RNF180: variants seen among roughly 807,000 people sequenced by gnomAD.
The protein encoded by RNF180 is ring finger protein 180.
RNF180 carries 38 observed loss-of-function variants against 59.2 expected under a neutral mutation model. The observed-to-expected ratio is 0.64, with a 90% confidence interval of 0.50 to 0.84. The LOEUF is 0.84. Ranked by LOEUF, RNF180 falls within the 40% of genes least tolerant of loss-of-function variation. The pLI, the probability that RNF180 is intolerant of heterozygous loss-of-function variation, is 0.00. For synonymous variants in RNF180, 262 were observed against 240.3 expected, an observed-to-expected ratio of 1.09 and a Z score of -0.84; for missense variants, 705 against 700.9, an observed-to-expected ratio of 1.01 and a Z score of -0.07.
chr5:64,276,245 T>A (rs1398953135), intron 5 of RNF180, among the ~76,000 whole-genome samples: 1 of 151,986 alleles, frequency 6.6e-6, no homozygotes, highest in African/African-American at 2.4e-5. Flanking sequence ...ATCCATTCCT[T>A]GAGCATTTTC....
chr5:64,226,316 A>G (rs1282690130), intron 5 of RNF180, among the ~76,000 whole-genome samples: 3 of 152,238 alleles, frequency 2.0e-5, no homozygotes, highest in African/African-American at 7.2e-5. Flanking sequence ...GTTCTGTACT[A>G]AGAAAAATTC....
At chr5:64,243,159 G>A (rs1742899292) in intron 5 of RNF180, among the ~76,000 whole-genome samples, 1 of 152,190 alleles carries the variant, frequency 6.6e-6, no homozygotes, top group Non-Finnish European at 1.5e-5. Context: ...AAAACTGGGT[G>A]GCCATTTGAG....
At chr5:64,196,084 A>C (rs77090199) in intron 1 of RNF180, among the ~76,000 whole-genome samples, 2,899 of 152,274 alleles carry the variant, frequency 0.019, 91 homozygotes, top group African/African-American at 0.066. Context: ...TTTATAACTG[A>C]TATTGAATAA....
rs1384743318 is a variant in RNF180 at position 64,216,180 on chromosome 5, C to T, written c.1192-1181C>T. ...ACAAATACCCAGTGTTTATTTAGCA[C>T]AGTAAATTTTAAAGTGTATGGCAGC... is the stretch of plus-strand genomic sequence containing the variant. On this transcript the variant is annotated intron_variant, in intron 4 of 7. Coordinates refer to ENST00000389100, the MANE Select transcript of RNF180 (RefSeq NM_001113561.2). Among the ~76,000 whole-genome samples, 5 of 152,048 alleles carry T rather than the reference C, an allele frequency of 3.3e-5. No individual in the cohort carries two copies. The East Asian group carries it at 9.6e-4, about 29-fold the overall frequency.
chr5:64,311,974 T>G (rs960106793), intron 5 of RNF180, among the ~76,000 whole-genome samples: 2 of 152,028 alleles, frequency 1.3e-5, no homozygotes, highest in African/African-American at 2.4e-5. Context: ...CTTTGGATAG[T>G]ATGATGGTAC....
intron 5 of RNF180, among the ~76,000 whole-genome samples, chr5:64,309,550 CT>C (rs1743649451): frequency 6.6e-6 from 1 of 151,388 alleles, no homozygotes; most frequent in South Asian, 2.1e-4. Flanking sequence ...GTAGAAAATA[CT>C]AATATCGGAC....
Position 64,314,577 on chromosome 5 carries a change from C to T in RNF180, c.1228-10609C>T, listed in dbSNP as rs758067845. ...ATCTTAAAATTTTTTGAGAGCCCAGCGAACTTTTGTCTACATGGATTATAA... is the reference window on the plus strand; with the variant it reads ...ATCTTAAAATTTTTTGAGAGCCCAGTGAACTTTTGTCTACATGGATTATAA... On this transcript the variant is annotated intron_variant, in intron 5 of 7. Coordinates refer to ENST00000389100, the MANE Select transcript of RNF180 (RefSeq NM_001113561.2). Among the ~76,000 whole-genome samples the T allele has an allele frequency of 1.3e-4, 20 of 151,726 alleles. 1 individual carries two copies. Among genetic ancestry groups the T allele is most frequent in the Non-Finnish European group, 2.6e-4 (18 of 67,936 alleles).
intron 5 of RNF180, among the ~76,000 whole-genome samples, chr5:64,288,884 C>T (rs1046241885): frequency 3.3e-5 from 5 of 152,160 alleles, no homozygotes; most frequent in African/African-American, 1.2e-4. Context: ...CCTTTTATTT[C>T]TTTCTCTTGC....
intron 7 of RNF180, among the ~76,000 whole-genome samples, chr5:64,360,191 T>A (rs1328276755): frequency 6.6e-6 from 1 of 151,934 alleles, no homozygotes; most frequent in East Asian, 1.9e-4. Context: ...GGTAGCTTGA[T>A]GGGGATGGCA....
chr5:64,203,709 A>G (rs1751867115), intron 2 of RNF180, among the ~76,000 whole-genome samples: 1 of 152,124 alleles, frequency 6.6e-6, no homozygotes, highest in African/African-American at 2.4e-5. Flanking sequence ...ATTCAATATC[A>G]TGGTTAAGTC....
At chr5:64,352,971 G>T (rs1180666455) in intron 7 of RNF180, among the ~76,000 whole-genome samples, 2 of 151,654 alleles carry the variant, frequency 1.3e-5, no homozygotes, top group African/African-American at 4.8e-5. Flanking sequence ...TATCCTAAAT[G>T]ACTGTTAGTT....
At position 64,249,077 on chromosome 5, in the gene RNF180, G is replaced by A. The variant is rs148907294; in HGVS notation, c.1227+31681G>A. On this transcript the variant is annotated intron_variant, in intron 5 of 7. Transcript: ENST00000389100. The stretch of plus-strand genomic sequence containing the variant: ...AATGAGAACACATAGACACAGGCAG[G>A]GTAACATCACACACCGGGGCCTGTC... 3.4e-3 allele frequency among the ~76,000 whole-genome samples: 517 copies of A among 152,236 alleles called. 2 individuals carry two copies. Among genetic ancestry groups the A allele is most frequent in the African/African-American group, 0.011 (469 of 41,546 alleles).
chr5:64,242,153 T>G (rs889672562), intron 5 of RNF180, among the ~76,000 whole-genome samples: 1 of 152,170 alleles, frequency 6.6e-6, no homozygotes, highest in African/African-American at 2.4e-5. Flanking sequence ...CCTACCCTAC[T>G]GCCATGTCTG....
chr5:64,177,329 C>A (rs1281882656), intron 1 of RNF180, among the ~76,000 whole-genome samples: 3 of 151,612 alleles, frequency 2.0e-5, no homozygotes, highest in Non-Finnish European at 4.4e-5. Flanking sequence ...TATTTAAATC[C>A]CCTCTATACT....
At chr5:64,322,109 A>C (rs1188432855) in intron 5 of RNF180, among the ~76,000 whole-genome samples, 1 of 152,232 alleles carries the variant, frequency 6.6e-6, no homozygotes, top group African/African-American at 2.4e-5. Flanking sequence ...CAAAGATTTA[A>C]TTATGAAAAC....
rs1161889662 is a variant in RNF180, at chr5:64,370,325, C to T, written c.*511C>T. ...GTTTCTAATTGTCACTACTTATATC[C>T]CTTTCTAGTACCAAGAAAACTGACT... On this transcript the variant is annotated 3_prime_UTR_variant, in exon 8 of 8. Coordinates refer to ENST00000389100, the MANE Select transcript of RNF180 (RefSeq NM_001113561.2). 1 of 151,800 alleles carries T rather than the reference C, an allele frequency of 6.6e-6. No homozygotes were observed. The highest frequency in any genetic ancestry group is 2.1e-4 in the South Asian group (1 of 4,822). 9.4% of individuals were successfully genotyped at this position (151,800 alleles called of 1,614,324 possible). A position where few individuals can be genotyped will look rare whatever the true frequency, so the allele number is the denominator to read the frequency against.
intron 5 of RNF180, among the ~76,000 whole-genome samples, chr5:64,291,048 A>T (rs938692946): frequency 6.6e-6 from 1 of 152,130 alleles, no homozygotes; most frequent in Non-Finnish European, 1.5e-5. Flanking sequence ...TTCCCTCAGC[A>T]TTTGCTTGTC....
chr5:64,344,366 A>T (rs1745471499), intron 7 of RNF180, among the ~76,000 whole-genome samples: 1 of 151,778 alleles, frequency 6.6e-6, no homozygotes, highest in Non-Finnish European at 1.5e-5. Context: ...TCATGGCAAT[A>T]AAAGAGGCAA....
chr5:64,276,291 A>T (rs779669231), intron 5 of RNF180, among the ~76,000 whole-genome samples: 26 of 151,572 alleles, frequency 1.7e-4, no homozygotes, highest in South Asian at 8.3e-4. Flanking sequence ...GGTCATGGAT[A>T]ACCAGAACTG....
Sources: gnomAD v4.1 joint callset for allele counts (sites outside exome capture counted in the v4.1 genomes callset) on GRCh38, gnomAD v4.1.1 for gene constraint, MANE v1.5 for transcripts, NCBI Gene and HGNC (gene_info 2026-07-23, HGNC 2026-07-21) for gene names.